Variants in DCDC1 observed in about 807,000 individuals in gnomAD.
DCDC1 encodes doublecortin domain containing 1, also known as doublecortin domain-containing protein 1.
Under a neutral mutation model 178.3 loss-of-function variants are expected in DCDC1, and 200 were observed. That is an observed-to-expected ratio of 1.12 (90% CI 1.00 to 1.26). The LOEUF is 1.26. DCDC1 is among the 50% of genes most tolerant of loss of function. The probability of loss-of-function intolerance (pLI) is 0.00; values close to 1 mark genes in which losing one functional copy is unlikely to be tolerated. For synonymous variants in DCDC1, 690 were observed against 604.8 expected (o/e 1.14, Z -2.07); for missense variants, 1,983 against 1,749.2 (o/e 1.13, Z -2.38).
intron 32 of DCDC1, 91 bp from the exon 33 acceptor site, chr11:30,900,589 C>G: frequency 8.2e-7 from 1 of 1,215,568 alleles, no homozygotes; most frequent in Non-Finnish European, 1.1e-6. Flanking sequence ...TTTTATTATT[C>G]ATTAATAACT....
chr11:31,217,910 C>T (rs2065208), intron 9 of DCDC1, among the ~76,000 whole-genome samples: 48,236 of 151,796 alleles, frequency 0.32, 8,562 homozygotes, highest in East Asian at 0.63. Context: ...TATATCTCTG[C>T]CCATGTCTCC....
At chr11:31,119,938 GAA>G (rs2135878497) in intron 11 of DCDC1, among the ~76,000 whole-genome samples, 1 of 152,276 alleles carries the variant, frequency 6.6e-6, no homozygotes, top group African/African-American at 2.4e-5. Context: ...CTAATTGTAT[GAA>G]AATAATCGTG....
chr11:30,867,472 G>T (rs187827626), intron 38 of DCDC1, among the ~76,000 whole-genome samples: 1 of 152,298 alleles, frequency 6.6e-6, no homozygotes, highest in Admixed American at 6.5e-5. Flanking sequence ...TATGGTGCCC[G>T]GTACAGGTAG....
chr11:31,240,200 AAAT>A (rs1431617849), intron 9 of DCDC1, among the ~76,000 whole-genome samples: 90 of 151,798 alleles, frequency 5.9e-4, no homozygotes, highest in Middle Eastern at 3.4e-3. Context: ...CTTAAAACTT[AAAT>A]AATATTTCAA....
chr11:31,360,536 CTAA>C (rs1951653930), intron 1 of DCDC1, among the ~76,000 whole-genome samples: 1 of 152,206 alleles, frequency 6.6e-6, no homozygotes, highest in African/African-American at 2.4e-5. Context: ...CAGCAAATAA[CTAA>C]TAATAAAATA....
chr11:31,114,768 G>C (rs1591094279), intron 11 of DCDC1, among the ~76,000 whole-genome samples: 1 of 152,110 alleles, frequency 6.6e-6, no homozygotes, highest in South Asian at 2.1e-4. Flanking sequence ...TGCCGGGTTT[G>C]GAATACTGTG....
At chr11:31,245,965 T>C (rs1203028988) in intron 8 of DCDC1, among the ~76,000 whole-genome samples, 1 of 151,834 alleles carries the variant, frequency 6.6e-6, no homozygotes, top group East Asian at 1.9e-4. Flanking sequence ...AAAATCTCTC[T>C]AAAGAGAAAC....
At chr11:31,095,149 G>A (rs1958068963) in intron 15 of DCDC1, among the ~76,000 whole-genome samples, 1 of 152,094 alleles carries the variant, frequency 6.6e-6, no homozygotes, top group African/African-American at 2.4e-5. Context: ...AGTATTCCAT[G>A]GTGTATATGT....
Position 31,103,803 on chromosome 11 carries a change from A to G in DCDC1, c.1752-34T>C, listed in dbSNP as rs1350896082. 8 of 754,942 alleles carry G rather than the reference A, an allele frequency of 1.1e-5. No individual in the cohort carries two copies. In the Admixed American group the frequency reaches 1.2e-4, roughly 12 times the overall value. The allele number at this position is 754,942 out of a possible 1,614,324, so 46.8% of individuals were successfully genotyped here. ...CGGATAAAACATCAAAACTATCTTC[A>G]AAATTAGACATACATTGTAATTTGA... On this transcript the variant is annotated intron_variant, in intron 13 of 38. Transcript: ENST00000684477.
In DCDC1 at chr11:31,065,135, G is replaced by A. The variant is rs1255762627; in HGVS notation, c.2317C>T (p.Leu773=). ...IYSKAYPQFV[L]TYLEELNAQV... ...GCATTTAGCTCCTCTAGGTAGGTCAGAACAAACTGAGGATAAGCCTGTAAG... is the reference window on the plus strand; with the variant it reads ...GCATTTAGCTCCTCTAGGTAGGTCAAAACAAACTGAGGATAAGCCTGTAAG... The change falls in exon 19 of 39, where the codon CTG becomes TTG. Residue 773 remains leucine, a synonymous_variant. Transcript: ENST00000684477. 1 of 760,510 alleles carries A rather than the reference G, an allele frequency of 1.3e-6. No individual in the cohort carries two copies. The highest frequency in any genetic ancestry group is 1.7e-5 in the African/African-American group (1 of 58,766). The allele number at this position is 760,510 out of a possible 1,614,324, so 47.1% of individuals were successfully genotyped here.
intron 9 of DCDC1, among the ~76,000 whole-genome samples, chr11:31,173,230 G>C (rs1473837509): frequency 6.6e-6 from 1 of 152,094 alleles, no homozygotes; most frequent in Non-Finnish European, 1.5e-5. Context: ...ACAAAGATAA[G>C]AAAGTGACGA....
intron 20 of DCDC1, among the ~76,000 whole-genome samples, chr11:31,039,173 G>A (rs1165984718): frequency 6.6e-6 from 1 of 152,068 alleles, no homozygotes; most frequent in Admixed American, 6.6e-5. Flanking sequence ...AATGTATGCT[G>A]TAGGGTTACA....
chr11:31,154,874 C>T (rs1356579701), intron 9 of DCDC1, among the ~76,000 whole-genome samples: 1 of 152,216 alleles, frequency 6.6e-6, no homozygotes, highest in Admixed American at 6.5e-5. Flanking sequence ...CTGTGAAAGG[C>T]TAATGTGGAT....
intron 1 of DCDC1, among the ~76,000 whole-genome samples, chr11:31,364,324 A>G (rs910997366): frequency 6.6e-6 from 1 of 152,202 alleles, no homozygotes; most frequent in Non-Finnish European, 1.5e-5. Context: ...TGGAAAGTGC[A>G]TAGAAAAACC....
At chr11:31,002,289 T>C (rs969379533) in intron 20 of DCDC1, among the ~76,000 whole-genome samples, 4 of 152,366 alleles carry the variant, frequency 2.6e-5, no homozygotes, top group African/African-American at 9.6e-5. Context: ...ATTTGAATGA[T>C]TCCTATCAAA....
chr11:31,347,888 T>C (rs192121641), intron 1 of DCDC1, among the ~76,000 whole-genome samples: 18 of 152,330 alleles, frequency 1.2e-4, no homozygotes, highest in Admixed American at 1.1e-3. Context: ...TGGGCCAATA[T>C]AGGACCTTAC....
At chr11:30,943,149 C>T (rs1048724082) in intron 21 of DCDC1, 1 of 152,068 alleles carries the variant, frequency 6.6e-6, no homozygotes, top group Non-Finnish European at 1.5e-5. Flanking sequence ...AGTCGGGAGA[C>T]CCTAGATGAG....
At chr11:30,899,446 A>T in intron 34 of DCDC1, 95 bp downstream of exon 34, 1 of 666,714 alleles carries the variant, frequency 1.5e-6, no homozygotes, top group Non-Finnish European at 2.3e-6. Context: ...AGTACTCTTT[A>T]AACACTTGGT....
At chr11:31,241,940 C>T (rs1300405518) in intron 8 of DCDC1, among the ~76,000 whole-genome samples, 1 of 151,900 alleles carries the variant, frequency 6.6e-6, no homozygotes, top group East Asian at 1.9e-4. Flanking sequence ...TTGGAACCAA[C>T]CTTGCTGAAA....
Sources: gnomAD v4.1 joint callset for allele counts (sites outside exome capture counted in the v4.1 genomes callset) on GRCh38, gnomAD v4.1.1 for gene constraint, MANE v1.5 for transcripts, NCBI Gene and HGNC (gene_info 2026-07-23, HGNC 2026-07-21) for gene names.